MPP7: variants seen among roughly 807,000 people sequenced by gnomAD.
MPP7 encodes MAGUK p55 scaffold protein 7, also known as MAGUK p55 subfamily member 7.
In MPP7, 60 loss-of-function variants were observed where a neutral mutation model predicts 76.5. The ratio of observed to expected loss-of-function variants is 0.78; its 90% confidence interval spans 0.64 to 0.97. MPP7 has a LOEUF of 0.97. Among genes scored for constraint, MPP7 ranks in the 50% least tolerant of loss-of-function variants. The probability of loss-of-function intolerance (pLI) is 0.00; values close to 1 mark genes in which losing one functional copy is unlikely to be tolerated. For missense variants in MPP7, 641 were observed against 694.0 expected, an observed-to-expected ratio of 0.92 and a Z score of 0.86; for synonymous variants, 237 against 244.5, an observed-to-expected ratio of 0.97 and a Z score of 0.29.
chr10:28,119,694 T>C lies in MPP7; in HGVS notation c.909A>G (p.Pro303=). 6.2e-7 allele frequency: 1 copy of C among 1,613,790 alleles called. No homozygotes were observed. The highest frequency in any genetic ancestry group is 8.5e-7 in the Non-Finnish European group (1 of 1,179,790). Reference sequence around the variant, plus strand: ...CTTTCAGGGGCTGAACCAATATTTCTGGTCGTCTCAAAGCCAATCTCCTGG... The same window carrying C: ...CTTTCAGGGGCTGAACCAATATTTCCGGTCGTCTCAAAGCCAATCTCCTGG... ...FQERRLALRR[P]EILVQPLKVS... Residue 303 remains proline (P), a synonymous_variant, in exon 11 of 17, where the codon CCA becomes CCG. Transcript: ENST00000683449.
At chr10:28,056,431 T>C in intron 16 of MPP7, 49 bp downstream of exon 16, 4 of 1,577,540 alleles carry the variant, frequency 2.5e-6, no homozygotes, top group Non-Finnish European at 3.4e-6. Flanking sequence ...AGTGCTGGGA[T>C]TACAGGTGTG....
At chr10:28,162,777 C>A (rs981132744) in intron 3 of MPP7, among the ~76,000 whole-genome samples, 1 of 152,112 alleles carries the variant, frequency 6.6e-6, no homozygotes, top group African/African-American at 2.4e-5. Flanking sequence ...GATGGGAGGT[C>A]CCTCCTGAGA....
chr10:28,061,358 G>T lies in MPP7; in HGVS notation c.1205-1615C>A, dbSNP rs540031397. ...TTAGCAGAAGAACAGAAACTATAAA[G>T]AAAAAAACAAATAGAAATTGTAGAA... is the stretch of plus-strand genomic sequence containing the variant. On this transcript the variant is annotated intron_variant, in intron 13 of 16. Transcript: ENST00000683449. Among the ~76,000 whole-genome samples the T allele has an allele frequency of 5.3e-4, 80 of 151,272 alleles. 2 individuals are homozygous for T. In the South Asian group the frequency reaches 0.016, roughly 31 times the overall value.
rs73606066 is a variant in MPP7 at position 28,118,404 on chromosome 10, C to T, written c.952+1247G>A. ...AAAGAGTTGAGTATGGATCCAGATTCGAGTATAATTACATTTATTTCATCT... is the reference window on the plus strand; with the variant it reads ...AAAGAGTTGAGTATGGATCCAGATTTGAGTATAATTACATTTATTTCATCT... On this transcript the variant is annotated intron_variant, in intron 11 of 16. Coordinates refer to ENST00000683449, the MANE Select transcript of MPP7 (RefSeq NM_001318170.2). 4.2e-3 allele frequency: 4,132 copies of T among 981,330 alleles called. 104 individuals are homozygous for T. In the African/African-American group the frequency reaches 0.056, roughly 13 times the overall value. 60.8% of individuals were successfully genotyped at this position (981,330 alleles called of 1,614,324 possible). A position where few individuals can be genotyped will look rare whatever the true frequency, so the allele number is the denominator to read the frequency against.
At chr10:28,256,124 G>T (rs1288430953) in intron 1 of MPP7, among the ~76,000 whole-genome samples, 2 of 152,036 alleles carry the variant, frequency 1.3e-5, no homozygotes. Flanking sequence ...TTTGGAATAT[G>T]GAACAACTTT....
chr10:28,124,762 C>A (rs1034952708), intron 7 of MPP7, among the ~76,000 whole-genome samples: 3 of 151,938 alleles, frequency 2.0e-5, no homozygotes, highest in Non-Finnish European at 4.4e-5. Flanking sequence ...GGATTACAGG[C>A]GTGAGCCACC....
At chr10:28,218,563 C>T (rs1036734811) in intron 2 of MPP7, among the ~76,000 whole-genome samples, 3 of 152,014 alleles carry the variant, frequency 2.0e-5, no homozygotes, top group Admixed American at 2.0e-4. Context: ...TAGTCACAGG[C>T]CACGAAGACA....
chr10:28,318,708 C>T (rs868527019), intron 2 of MPP7, among the ~76,000 whole-genome samples: 12 of 152,150 alleles, frequency 7.9e-5, no homozygotes, highest in Middle Eastern at 3.4e-3. Context: ...AAAAGAAAAG[C>T]AATAGGATTA....
At chr10:28,215,374 C>T (rs922776752) in intron 2 of MPP7, among the ~76,000 whole-genome samples, 2 of 151,950 alleles carry the variant, frequency 1.3e-5, no homozygotes, top group African/African-American at 4.8e-5. Context: ...AGTTTTTTCC[C>T]CAGTGTAGGG....
In MPP7 at chr10:28,311,078, T is replaced by G. The variant is rs79070006; in HGVS notation, c.-132+18851A>C. Among the ~76,000 whole-genome samples, 1,174 of 152,284 alleles carry G rather than the reference T, an allele frequency of 7.7e-3. 18 individuals carry two copies. Among genetic ancestry groups the G allele is most frequent in the African/African-American group, 0.027 (1,114 of 41,558 alleles). ...AGACATAGCAAGAATCTAGTGAAGA[T>G]TTACTGAACTAACTCATTTGGAACT... On this transcript the variant is annotated intron_variant, in intron 2 of 11. Transcript: ENST00000441595.
intron 12 of MPP7, among the ~76,000 whole-genome samples, chr10:28,080,063 G>C (rs1461919886): frequency 6.8e-6 from 1 of 146,332 alleles, no homozygotes; most frequent in Non-Finnish European, 1.5e-5. Context: ...AAGATTGGGA[G>C]GGGGAGGGGG....
At chr10:28,074,590 C>T (rs1427064209) in intron 12 of MPP7, among the ~76,000 whole-genome samples, 1 of 152,192 alleles carries the variant, frequency 6.6e-6, no homozygotes, top group Non-Finnish European at 1.5e-5. Flanking sequence ...AACCACAATG[C>T]CCATTCTAAA....
chr10:28,147,515 G>C lies in MPP7; in HGVS notation c.283C>G (p.Leu95Val). Residue 95 changes from leucine to valine, a missense_variant, in exon 5 of 17, where the codon CTG becomes GTG. Coordinates refer to ENST00000683449, the MANE Select transcript of MPP7 (RefSeq NM_001318170.2). ...TTGGGTTTTGACAGTAGTTTCAACA[G>C]CTCTCTGATCTCACTGTTTAATGGC... Reference protein sequence around the residue: ...NKPLNSEIRELLKLLSKPNVK... With the variant: ...NKPLNSEIREVLKLLSKPNVK... The C allele has an allele frequency of 6.2e-7, 1 of 1,614,030 alleles. No individual in the cohort carries two copies. Among genetic ancestry groups the C allele is most frequent in the Non-Finnish European group, 8.5e-7 (1 of 1,179,938 alleles).
At chr10:28,328,789 T>C (rs1248127797) in intron 2 of MPP7, among the ~76,000 whole-genome samples, 2 of 152,194 alleles carry the variant, frequency 1.3e-5, no homozygotes, top group African/African-American at 4.8e-5. Flanking sequence ...AATGTCTATT[T>C]GTCGAAATAC....
chr10:28,092,559 AG>A (rs1422804316), intron 11 of MPP7, among the ~76,000 whole-genome samples: 1 of 150,684 alleles, frequency 6.6e-6, no homozygotes, highest in Non-Finnish European at 1.5e-5. Context: ...AAAGCTTCAT[AG>A]AACCCAGAAA....
intron 8 of MPP7, among the ~76,000 whole-genome samples, chr10:28,123,572 G>A (rs964113843): frequency 1.3e-5 from 2 of 149,756 alleles, no homozygotes; most frequent in Admixed American, 6.7e-5. Flanking sequence ...GGGTTCAAGC[G>A]ATTCTCCTGC....
At chr10:28,067,055 T>C (rs1852018852) in intron 13 of MPP7, among the ~76,000 whole-genome samples, 1 of 152,178 alleles carries the variant, frequency 6.6e-6, no homozygotes, top group Non-Finnish European at 1.5e-5. Flanking sequence ...CCATTGGGTG[T>C]GCAGTAGGAG....
At chr10:28,172,173 C>T (rs1287645903) in intron 3 of MPP7, among the ~76,000 whole-genome samples, 1 of 152,210 alleles carries the variant, frequency 6.6e-6, no homozygotes, top group African/African-American at 2.4e-5. Context: ...GATACCAAAT[C>T]TAATTGTCCT....
intron 11 of MPP7, among the ~76,000 whole-genome samples, chr10:28,095,315 T>C (rs1251731154): frequency 6.6e-6 from 1 of 150,542 alleles, no homozygotes; most frequent in Non-Finnish European, 1.5e-5. Context: ...AGACAACCAA[T>C]AAAATAGCCA....
Sources: gnomAD v4.1 joint callset for allele counts (sites outside exome capture counted in the v4.1 genomes callset) on GRCh38, gnomAD v4.1.1 for gene constraint, MANE v1.5 for transcripts, NCBI Gene and HGNC (gene_info 2026-07-23, HGNC 2026-07-21) for gene names.